USP25: variants seen among roughly 807,000 people sequenced by gnomAD.
USP25 encodes the protein ubiquitin specific peptidase 25, also known as ubiquitin carboxyl-terminal hydrolase 25.
Under a neutral mutation model 158.5 loss-of-function variants are expected in USP25, and 85 were observed. The ratio of observed to expected loss-of-function variants is 0.54; its 90% CI spans 0.45 to 0.64. The LOEUF (loss-of-function observed/expected upper bound fraction) is 0.64, where lower values mean the gene tolerates loss of function less well. Among genes scored for constraint, USP25 ranks in the 30% least tolerant of loss-of-function variants. USP25 has a pLI of 0.00. For synonymous variants in USP25, 464 were observed against 460.4 expected (o/e 1.01, Z -0.10); for missense variants, 1,242 against 1,327.3 (o/e 0.94, Z 1.00).
intron 1 of USP25, among the ~76,000 whole-genome samples, chr21:15,730,869 A>G (rs2030766809): frequency 6.6e-6 from 1 of 151,818 alleles, no homozygotes; most frequent in African/African-American, 2.4e-5. Context: ...CCAAAATCGA[A>G]TTACCTGCCT....
intron 22 of USP25, among the ~76,000 whole-genome samples, chr21:15,869,711 T>C (rs1196792130): frequency 3.3e-5 from 5 of 152,194 alleles, no homozygotes; most frequent in Non-Finnish European, 7.4e-5. Flanking sequence ...TTCATTTTCT[T>C]CCATCAGTTG....
At chr21:15,804,839 A>T (rs1402413094) in intron 6 of USP25, among the ~76,000 whole-genome samples, 2 of 152,112 alleles carry the variant, frequency 1.3e-5, no homozygotes, top group African/African-American at 4.8e-5. Flanking sequence ...AATGAGGAAG[A>T]TATTCTTGGC....
intron 20 of USP25, among the ~76,000 whole-genome samples, chr21:15,860,783 G>A (rs999444777): frequency 1.3e-5 from 2 of 151,964 alleles, no homozygotes. Context: ...AGAGCAATCA[G>A]ACTTAGAAGA....
At chr21:15,754,383 A>G (rs2033239660) in intron 1 of USP25, among the ~76,000 whole-genome samples, 1 of 152,214 alleles carries the variant, frequency 6.6e-6, no homozygotes, top group Non-Finnish European at 1.5e-5. Flanking sequence ...CATTATATGT[A>G]TGTACCAGGA....
intron 19 of USP25, 23 bp downstream of exon 19, chr21:15,847,799 C>G: frequency 6.9e-7 from 1 of 1,453,038 alleles, no homozygotes; most frequent in South Asian, 1.2e-5. Flanking sequence ...GCCCTCTGCA[C>G]CATTGCTACT....
At chr21:15,817,840 G>A (rs1321516216) in intron 9 of USP25, among the ~76,000 whole-genome samples, 1 of 152,078 alleles carries the variant, frequency 6.6e-6, no homozygotes, top group African/African-American at 2.4e-5. Flanking sequence ...AGAATTATGG[G>A]AGCTACAATT....
chr21:15,838,511 C>T (rs887742806), intron 17 of USP25, among the ~76,000 whole-genome samples: 1 of 151,998 alleles, frequency 6.6e-6, no homozygotes, highest in Non-Finnish European at 1.5e-5. Flanking sequence ...TCCCCCACAC[C>T]CCTCAGACTT....
chr21:15,878,186 C>G, intron 25 of USP25, 117 bp from the exon 26 acceptor site: 2 of 1,356,096 alleles, frequency 1.5e-6, no homozygotes, highest in Non-Finnish European at 2.0e-6. Context: ...ATGTTTTTGT[C>G]TCCCCAAAAT....
intron 17 of USP25, among the ~76,000 whole-genome samples, chr21:15,841,344 A>C (rs1287650533): frequency 1.3e-5 from 2 of 152,030 alleles, no homozygotes; most frequent in Non-Finnish European, 1.5e-5. Context: ...ACCGATCTCT[A>C]GTTTTACTTT....
At chr21:15,773,026 G>A in intron 3 of USP25, among the ~76,000 whole-genome samples, 1 of 152,190 alleles carries the variant, frequency 6.6e-6, no homozygotes, top group Admixed American at 6.5e-5. Flanking sequence ...AAAATAATAA[G>A]TAAACCTCCT....
chr21:15,792,455 C>T (rs982405087), intron 5 of USP25, among the ~76,000 whole-genome samples: 2 of 151,304 alleles, frequency 1.3e-5, no homozygotes, highest in South Asian at 2.1e-4. Context: ...GTTTTGTGTT[C>T]GTTTTTGTGT....
At chr21:15,763,081 T>TA in intron 2 of USP25, 113 bp downstream of exon 2, 2 of 936,392 alleles carry the variant, frequency 2.1e-6, no homozygotes, top group East Asian at 5.5e-5. Flanking sequence ...GTTTTAGAGA[T>TA]ACAGGAATGG....
At position 15,812,754 on chromosome 21, in the gene USP25, C is replaced by T. The variant is rs145143809; in HGVS notation, c.931+1544C>T. On this transcript the variant is annotated intron_variant, in intron 9 of 25. Coordinates refer to ENST00000400183, the MANE Select transcript of USP25 (RefSeq NM_001283041.3). ...GTGTTATATAAAGGTGGCCTTAATA[C>T]GTTTTCACTTGAACTATGTGTTTGC... Among the ~76,000 whole-genome samples the T allele has an allele frequency of 2.2e-3, 337 of 152,190 alleles. 2 individuals carry two copies. The highest frequency in any genetic ancestry group is 7.8e-3 in the African/African-American group (325 of 41,526).
chr21:15,818,812 T>C lies in USP25; in HGVS notation c.1046T>C (p.Leu349Ser). Residue 349 changes from leucine (L) to serine (S), a missense_variant, in exon 10 of 26, where the codon TTA becomes TCA. Physicochemically the swap from Leu to Ser is moderately radical, Grantham distance 145. Transcript: ENST00000400183. Reference sequence around the variant, plus strand: ...ATGATTGAAGGAGAAATTGAGTCTTTACATTCAGAGAATTCAGGAAAATCA... The same window carrying C: ...ATGATTGAAGGAGAAATTGAGTCTTCACATTCAGAGAATTCAGGAAAATCA... The part of the protein sequence containing the change: ...AAMIEGEIES[L>S]HSENSGKSGQ... The C allele has an allele frequency of 6.2e-7, 1 of 1,613,876 alleles. No homozygotes were observed. Among genetic ancestry groups the C allele is most frequent in the Non-Finnish European group, 8.5e-7 (1 of 1,179,800 alleles).
At chr21:15,755,679 G>T (rs1453775431) in intron 1 of USP25, among the ~76,000 whole-genome samples, 1 of 152,056 alleles carries the variant, frequency 6.6e-6, no homozygotes, top group Non-Finnish European at 1.5e-5. Context: ...TCTGGTATAG[G>T]GAAGTTTAAA....
rs531466933 is a variant in USP25 at position 15,742,534 on chromosome 21, G to A, written c.45+12096G>A. 1.2e-4 allele frequency among the ~76,000 whole-genome samples: 18 copies of A among 152,256 alleles called. No individual in the cohort carries two copies. The South Asian group carries it at 2.5e-3, about 21-fold the overall frequency. ...AAGTTCTGGGGTTTTCTTTGTCTTC[G>A]TGTGAGGCCTCTGGGCTGGGTCTGG... On this transcript the variant is annotated intron_variant, in intron 1 of 25. Transcript: ENST00000400183.
rs527587578 is a variant in USP25 at position 15,785,447 on chromosome 21, C to T, written c.393-6055C>T. On this transcript the variant is annotated intron_variant, in intron 4 of 25. Coordinates refer to ENST00000400183, the MANE Select transcript of USP25 (RefSeq NM_001283041.3). The stretch of plus-strand genomic sequence containing the variant: ...GCATGGAATATTCTCCAGTAAAGAT[C>T]GTATGTTAGAGATGGTATCAAGTAT... 2.0e-3 allele frequency among the ~76,000 whole-genome samples: 311 copies of T among 152,144 alleles called. 3 individuals carry two copies. The highest frequency in any genetic ancestry group is 7.0e-3 in the African/African-American group (291 of 41,518).
chr21:15,788,540 C>T (rs1389522188), intron 4 of USP25, among the ~76,000 whole-genome samples: 2 of 152,210 alleles, frequency 1.3e-5, no homozygotes, highest in East Asian at 1.9e-4. Context: ...ATTGGAGACA[C>T]TGGTTGATAT....
At chr21:15,755,091 A>G (rs931235786) in intron 1 of USP25, among the ~76,000 whole-genome samples, 1 of 151,408 alleles carries the variant, frequency 6.6e-6, no homozygotes, top group East Asian at 1.9e-4. Context: ...AAATGCCTAC[A>G]TTTGGTGCTT....
Sources: allele counts gnomAD v4.1 joint callset (sites outside exome capture counted in the v4.1 genomes callset), GRCh38; gene constraint gnomAD v4.1.1; transcripts MANE v1.5; gene names NCBI Gene and HGNC (gene_info 2026-07-23, HGNC 2026-07-21).